Variants in GCNT2 observed in about 807,000 individuals in gnomAD.
GCNT2 encodes N-acetyllactosaminide beta-1,6-N-acetylglucosaminyl-transferase.
A neutral mutation model predicts 34.2 loss-of-function variants in GCNT2; 34 were observed. That is an observed-to-expected ratio of 1.00 (90% CI 0.76 to 1.32). The LOEUF (loss-of-function observed/expected upper bound fraction) is 1.32, where lower values mean the gene tolerates loss of function less well. Among genes scored for constraint, GCNT2 ranks in the 40% most tolerant of loss-of-function variants. The pLI is 0.00. For missense variants in GCNT2, 584 were observed against 489.4 expected (o/e 1.19, Z -1.82); for synonymous variants, 212 against 188.0 (o/e 1.13, Z -1.04).
chr6:10,614,133 G>A (rs147060162), intron 3 of GCNT2, among the ~76,000 whole-genome samples: 1 of 152,152 alleles, frequency 6.6e-6, no homozygotes, highest in Non-Finnish European at 1.5e-5. Flanking sequence ...TCAATCTTAA[G>A]CTTGCCATTA....
At chr6:10,569,578 G>A (rs149191980) in intron 3 of GCNT2, among the ~76,000 whole-genome samples, 1 of 152,316 alleles carries the variant, frequency 6.6e-6, no homozygotes, top group African/African-American at 2.4e-5. Flanking sequence ...TTTTTCCAAA[G>A]CATCCTGCTT....
intron 3 of GCNT2, among the ~76,000 whole-genome samples, chr6:10,580,653 A>C (rs1764029605): frequency 6.6e-6 from 1 of 151,620 alleles, no homozygotes; most frequent in East Asian, 1.9e-4. Context: ...CATTCTGCAG[A>C]GGGTGATGAA....
chr6:10,573,089 C>T (rs1180490517), intron 3 of GCNT2: 1 of 615,546 alleles, frequency 1.6e-6, no homozygotes, highest in African/African-American at 2.0e-5. Flanking sequence ...AAATCACTGC[C>T]TATCTCTATT....
At chr6:10,621,252 C>G in intron 3 of GCNT2, 99 bp from the exon 4 acceptor site, 1 of 785,878 alleles carries the variant, frequency 1.3e-6, no homozygotes, top group Non-Finnish European at 2.2e-6. Context: ...AGGTAATAAA[C>G]TGAAAGAAAG....
intron 3 of GCNT2, among the ~76,000 whole-genome samples, chr6:10,606,032 T>C (rs958226324): frequency 4.6e-5 from 7 of 152,120 alleles, no homozygotes; most frequent in Admixed American, 6.6e-5. Context: ...TTTAAGTCTT[T>C]GGCCAGGTGC....
At chr6:10,592,507 A>G (rs1300921912) in intron 3 of GCNT2, among the ~76,000 whole-genome samples, 1 of 152,146 alleles carries the variant, frequency 6.6e-6, no homozygotes, top group Non-Finnish European at 1.5e-5. Flanking sequence ...GGCTCCTGGT[A>G]GAGAAACCTT....
intron 4 of GCNT2, among the ~76,000 whole-genome samples, chr6:10,621,990 G>A (rs555731727): frequency 1.1e-4 from 17 of 152,214 alleles, no homozygotes; most frequent in South Asian, 2.1e-4. Flanking sequence ...TGTTGGCACC[G>A]CAGAGAAAGC....
chr6:10,618,414 C>T (rs1329222068), intron 3 of GCNT2, among the ~76,000 whole-genome samples: 3 of 152,138 alleles, frequency 2.0e-5, no homozygotes, highest in Admixed American at 1.3e-4. Flanking sequence ...GATCTTACCT[C>T]TGCAATAATG....
intron 3 of GCNT2, among the ~76,000 whole-genome samples, chr6:10,535,357 T>C (rs556292134): frequency 2.0e-5 from 3 of 152,352 alleles, no homozygotes; most frequent in Admixed American, 2.0e-4. Context: ...CACTAGCTGT[T>C]ATGAAATTAG....
intron 2 of GCNT2, 44 bp from the exon 3 acceptor site, chr6:10,528,587 C>A: frequency 2.5e-6 from 1 of 394,836 alleles, no homozygotes; most frequent in Admixed American, 3.8e-5. Context: ...ACAGGTGGAC[C>A]CCCTGGAATC....
chr6:10,607,811 T>C (rs1001843580), intron 3 of GCNT2, among the ~76,000 whole-genome samples: 4 of 152,180 alleles, frequency 2.6e-5, no homozygotes, highest in Non-Finnish European at 4.4e-5. Flanking sequence ...TTTAAGTATA[T>C]TATGTACTTC....
intron 3 of GCNT2, among the ~76,000 whole-genome samples, chr6:10,572,850 G>A (rs1763614885): frequency 6.6e-6 from 1 of 152,192 alleles, no homozygotes; most frequent in South Asian, 2.1e-4. Context: ...CTCCAGTTAG[G>A]TACAAACACA....
At chr6:10,614,497 G>A (rs1205489004) in intron 3 of GCNT2, among the ~76,000 whole-genome samples, 1 of 151,890 alleles carries the variant, frequency 6.6e-6, no homozygotes, top group Non-Finnish European at 1.5e-5. Flanking sequence ...TTAGTGGCAC[G>A]CCCCTCTAGT....
At chr6:10,523,309 C>T (rs944948753) in intron 1 of GCNT2, among the ~76,000 whole-genome samples, 3 of 151,944 alleles carry the variant, frequency 2.0e-5, no homozygotes, top group Admixed American at 2.0e-4. Context: ...GCCTGTAACC[C>T]CAGCTGCTCG....
At chr6:10,526,774 G>A (rs2113491697) in intron 1 of GCNT2, among the ~76,000 whole-genome samples, 1 of 152,232 alleles carries the variant, frequency 6.6e-6, no homozygotes, top group Admixed American at 6.5e-5. Context: ...TACAGGACGT[G>A]GAAACATTGT....
intron 3 of GCNT2, among the ~76,000 whole-genome samples, chr6:10,589,025 G>A (rs1308604799): frequency 2.8e-5 from 4 of 141,436 alleles, no homozygotes; most frequent in African/African-American, 5.3e-5. Flanking sequence ...TATATGTGGT[G>A]TATGTGCGTG....
rs1421795753 is a variant in GCNT2, at chr6:10,528,691, A to G, written c.-221A>G. 4 of 596,138 alleles carry G rather than the reference A, an allele frequency of 6.7e-6. No homozygotes were observed. Among genetic ancestry groups the G allele is most frequent in the Non-Finnish European group, 1.2e-5 (4 of 336,592 alleles). 36.9% of individuals were successfully genotyped at this position (596,138 alleles called of 1,614,324 possible). A position where few individuals can be genotyped will look rare whatever the true frequency, so the allele number is the denominator to read the frequency against. On this transcript the variant is annotated 5_prime_UTR_variant, in exon 3 of 5. The change abolishes an upstream ATG in the 5' untranslated region. Transcript: ENST00000495262. ...CAAATGCAAAGGAGCCACTTCAGAA[A>G]TGTGTCACAGAAAAGTGAAAATGCA...
intron 3 of GCNT2, among the ~76,000 whole-genome samples, chr6:10,615,278 T>C (rs1765711346): frequency 6.6e-6 from 1 of 152,182 alleles, no homozygotes; most frequent in Admixed American, 6.5e-5. Flanking sequence ...TTTGTGAAGA[T>C]GCTGACGTTG....
At chr6:10,551,075 C>T (rs1268957682) in intron 3 of GCNT2, among the ~76,000 whole-genome samples, 1 of 152,158 alleles carries the variant, frequency 6.6e-6, no homozygotes, top group Non-Finnish European at 1.5e-5. Context: ...TGGCCGTGAC[C>T]TATTTTTGGC....
Sources: allele counts gnomAD v4.1 joint callset (sites outside exome capture counted in the v4.1 genomes callset), GRCh38; gene constraint gnomAD v4.1.1; transcripts MANE v1.5; gene names NCBI Gene and HGNC (gene_info 2026-07-23, HGNC 2026-07-21).